Variants in ABCD3 observed in about 807,000 individuals in gnomAD.
The protein encoded by ABCD3 is ATP binding cassette subfamily D member 3.
ABCD3 carries 41 observed loss-of-function variants against 105.5 expected under a neutral mutation model. The observed-to-expected ratio is 0.39, with a 90% confidence interval of 0.30 to 0.50. The LOEUF is 0.50. Ranked by LOEUF, ABCD3 falls within the 20% of genes least tolerant of loss-of-function variation. The probability of loss-of-function intolerance (pLI) is 0.84; values close to 1 mark genes in which losing one functional copy is unlikely to be tolerated. For missense variants in ABCD3, 622 were observed against 806.3 expected (o/e 0.77, Z 2.77); for synonymous variants, 258 against 269.0 (o/e 0.96, Z 0.40).
At chr1:94,508,273 C>G (rs1650466487) in intron 21 of ABCD3, among the ~76,000 whole-genome samples, 1 of 152,118 alleles carries the variant, frequency 6.6e-6, no homozygotes, top group African/African-American at 2.4e-5. Flanking sequence ...GCTTGTTTTT[C>G]TCAGGTTTGT....
intron 7 of ABCD3, 136 bp from the exon 8 acceptor site, chr1:94,478,123 T>C (rs1648851467): frequency 9.6e-6 from 6 of 627,490 alleles, no homozygotes; most frequent in Admixed American, 2.9e-5. Context: ...TCACAGTACA[T>C]TGTACATAGT....
At chr1:94,486,412 A>G (rs1222942877) in intron 10 of ABCD3, among the ~76,000 whole-genome samples, 1 of 152,112 alleles carries the variant, frequency 6.6e-6, no homozygotes, top group African/African-American at 2.4e-5. Context: ...AAATTCAGGG[A>G]CCTTCTCTGT....
chr1:94,462,843 G>A (rs1157771737), intron 2 of ABCD3, among the ~76,000 whole-genome samples: 1 of 152,102 alleles, frequency 6.6e-6, no homozygotes, highest in Non-Finnish European at 1.5e-5. Flanking sequence ...GAGTGGTGAT[G>A]GCGATAGGAG....
intron 1 of ABCD3, among the ~76,000 whole-genome samples, chr1:94,433,595 T>C (rs1328666630): frequency 6.6e-6 from 1 of 151,708 alleles, no homozygotes; most frequent in African/African-American, 2.4e-5. Context: ...GTTACTGTAC[T>C]GAATACTATA....
chr1:94,455,618 C>G, intron 1 of ABCD3: 1 of 331,062 alleles, frequency 3.0e-6, no homozygotes, highest in Non-Finnish European at 6.0e-6. Context: ...AGCCACTGCA[C>G]CTGGCAAGAA....
At chr1:94,392,948 C>T in the ABCD3 span, among the ~76,000 whole-genome samples, 1 of 151,598 alleles carries the variant, frequency 6.6e-6, no homozygotes, top group African/African-American at 2.4e-5. Flanking sequence ...CCCGTCTCTG[C>T]TAAAAATACA....
At chr1:94,489,224 T>C (rs1649414372) in intron 13 of ABCD3, among the ~76,000 whole-genome samples, 1 of 152,058 alleles carries the variant, frequency 6.6e-6, no homozygotes, top group South Asian at 2.1e-4. Flanking sequence ...ACTCATCATC[T>C]TTCCCCTCTT....
chr1:94,514,351 A>G (rs1477032459), intron 21 of ABCD3: 2 of 152,050 alleles, frequency 1.3e-5, no homozygotes, highest in Non-Finnish European at 2.9e-5. Flanking sequence ...AGTCATTGCC[A>G]AATGTCCCCC....
At chr1:94,496,549 G>GCTGAT (rs973265580) in intron 16 of ABCD3, among the ~76,000 whole-genome samples, 4 of 151,730 alleles carry the variant, frequency 2.6e-5, no homozygotes, top group Non-Finnish European at 4.4e-5. Context: ...TGTGAACAAT[G>GCTGAT]CTGATGGCTC....
At chr1:94,468,984 G>C (rs1173261896) in intron 4 of ABCD3, among the ~76,000 whole-genome samples, 2 of 152,112 alleles carry the variant, frequency 1.3e-5, no homozygotes, top group African/African-American at 4.8e-5. Flanking sequence ...CCTGTGGTCA[G>C]TCCTGTGCCT....
intron 1 of ABCD3, among the ~76,000 whole-genome samples, chr1:94,421,717 G>A (rs1230824962): frequency 6.6e-6 from 1 of 152,120 alleles, no homozygotes; most frequent in Non-Finnish European, 1.5e-5. Context: ...AGAAAGACAA[G>A]ATTAATGTGT....
intron 1 of ABCD3, among the ~76,000 whole-genome samples, chr1:94,436,411 C>A (rs1659903813): frequency 6.6e-6 from 1 of 152,212 alleles, no homozygotes; most frequent in East Asian, 1.9e-4. Flanking sequence ...ACAAATATCT[C>A]TACTATTAAT....
intron 20 of ABCD3, among the ~76,000 whole-genome samples, chr1:94,500,433 C>T (rs957887185): frequency 6.6e-6 from 1 of 151,900 alleles, no homozygotes; most frequent in Non-Finnish European, 1.5e-5. Context: ...AGAAGGAGAT[C>T]GTCTCTCTAA....
chr1:94,475,504 A>C, intron 6 of ABCD3, 110 bp from the exon 7 acceptor site: 1 of 1,202,180 alleles, frequency 8.3e-7, no homozygotes, highest in Non-Finnish European at 1.2e-6. Context: ...CTGGCTCCAA[A>C]CTTTTTTGTT....
the ABCD3 span, among the ~76,000 whole-genome samples, chr1:94,388,336 A>T: frequency 6.6e-6 from 1 of 152,198 alleles, no homozygotes; most frequent in Non-Finnish European, 1.5e-5. Flanking sequence ...GGGTATATGT[A>T]GCTAGATTAT....
chr1:94,386,023 GTTTCTTTCTTTCTTTCTTTCTTTCTTTC>G, the ABCD3 span, among the ~76,000 whole-genome samples: 99,016 of 151,420 alleles, frequency 0.65, 32,590 homozygotes, highest in Middle Eastern at 0.82. Context: ...TTTAGAATCT[GTTTCTTTCTTTCTTTCTTTCTTTCTTTC>G]TTTCTTTCTT....
intron 1 of ABCD3, among the ~76,000 whole-genome samples, chr1:94,451,846 T>C (rs4148057): frequency 0.13 from 19,282 of 152,170 alleles, 1,251 homozygotes; most frequent in South Asian, 0.19. Context: ...ATTTGAGATA[T>C]CAGTTTGGAG....
At chr1:94,398,254 G>T in the ABCD3 span, among the ~76,000 whole-genome samples, 2 of 152,104 alleles carry the variant, frequency 1.3e-5, no homozygotes, top group African/African-American at 4.8e-5. Flanking sequence ...GCGCCAGAGG[G>T]TTGATTCTAG....
chr1:94,445,066 T>G (rs1570753493), intron 1 of ABCD3, among the ~76,000 whole-genome samples: 2 of 152,312 alleles, frequency 1.3e-5, no homozygotes, highest in South Asian at 4.1e-4. Context: ...TTTTGGCCCA[T>G]CCCTTTATTT....
Sources: allele counts gnomAD v4.1 joint callset (sites outside exome capture counted in the v4.1 genomes callset), GRCh38; gene constraint gnomAD v4.1.1; transcripts MANE v1.5; gene names NCBI Gene and HGNC (gene_info 2026-07-23, HGNC 2026-07-21).